Variants in NEIL3 observed in about 807,000 individuals in gnomAD.
NEIL3 encodes endonuclease 8-like 3.
In NEIL3, 48 loss-of-function variants were observed where a neutral mutation model predicts 57.5. That is an observed-to-expected ratio of 0.83 (90% confidence interval 0.66 to 1.06). NEIL3 has a LOEUF of 1.06. Ranked by LOEUF, NEIL3 falls within the 50% of genes least tolerant of loss-of-function variation. The pLI is 0.00. For missense variants in NEIL3, 717 were observed against 739.1 expected (o/e 0.97, Z 0.35); for synonymous variants, 261 against 253.2 (o/e 1.03, Z -0.29).
chr4:177,365,436 A>G (rs1735680656), downstream of NEIL3, among the ~76,000 whole-genome samples: 1 of 152,248 alleles, frequency 6.6e-6, no homozygotes, highest in African/African-American at 2.4e-5. Context: ...ATACAATACA[A>G]TAATCATACA....
At chr4:177,313,992 A>C (rs943719611) in intron 1 of NEIL3, among the ~76,000 whole-genome samples, 34 of 152,198 alleles carry the variant, frequency 2.2e-4, no homozygotes, top group African/African-American at 8.0e-4. Context: ...TTCCTTCTTC[A>C]AAGTGGGGGA....
At chr4:177,325,679 G>A (rs1417987404) in intron 2 of NEIL3, among the ~76,000 whole-genome samples, 1 of 152,100 alleles carries the variant, frequency 6.6e-6, no homozygotes, top group Non-Finnish European at 1.5e-5. Flanking sequence ...CACCAGCAGA[G>A]TATGAGAATT....
chr4:177,367,131 A>AC (rs1579013932), downstream of NEIL3, among the ~76,000 whole-genome samples: 2 of 152,150 alleles, frequency 1.3e-5, no homozygotes, highest in East Asian at 3.9e-4. Flanking sequence ...CCCAAATCTG[A>AC]CGAATCTCAG....
In NEIL3 at chr4:177,358,790, G is replaced by A. The variant is rs1229994784; in HGVS notation, c.1461-1713G>A. On this transcript the variant is annotated intron_variant, in intron 8 of 9. Coordinates refer to ENST00000264596, the MANE Select transcript of NEIL3 (RefSeq NM_018248.3). ...CTCCCTGGATATGTGGAACCCTGGA[G>A]CTCTCTAGGTTGAAACAAGTAGGTT... Among the ~76,000 whole-genome samples the A allele has an allele frequency of 2.0e-5, 3 of 152,150 alleles. No homozygotes were observed. In the East Asian group the frequency reaches 5.8e-4, roughly 29 times the overall value.
chr4:177,350,414 A>G (rs1419363537), intron 6 of NEIL3, among the ~76,000 whole-genome samples: 1 of 152,214 alleles, frequency 6.6e-6, no homozygotes, highest in Non-Finnish European at 1.5e-5. Context: ...ATACATGGTC[A>G]ATGAAGGACT....
chr4:177,328,775 A>G (rs928819455), intron 2 of NEIL3, among the ~76,000 whole-genome samples: 1 of 152,202 alleles, frequency 6.6e-6, no homozygotes, highest in African/African-American at 2.4e-5. Context: ...AATATAAAAG[A>G]TGTTTTTCTG....
Position 177,322,499 on chromosome 4 carries a change from G to C in NEIL3, c.197G>C (p.Ser66Thr). The part of the protein sequence containing the change: ...LNNDSSQNVL[S>T]LFNGYVYSGV... ...AATGATTCCAGCCAGAATGTCTTGAGCCTGTTTAATGGATATGTTTACAGT... is the reference window on the plus strand; with the variant it reads ...AATGATTCCAGCCAGAATGTCTTGACCCTGTTTAATGGATATGTTTACAGT... The change falls in exon 2 of 10, where the codon AGC becomes ACC. Residue 66 changes from serine to threonine, a missense_variant. Coordinates refer to ENST00000264596, the MANE Select transcript of NEIL3 (RefSeq NM_018248.3). 1 of 1,613,962 alleles carries C rather than the reference G, an allele frequency of 6.2e-7. No individual in the cohort carries two copies. The highest frequency in any genetic ancestry group is 8.5e-7 in the Non-Finnish European group (1 of 1,179,896).
intron 6 of NEIL3, among the ~76,000 whole-genome samples, chr4:177,344,346 CTTT>C (rs1365323930): frequency 6.6e-6 from 1 of 151,928 alleles, no homozygotes; most frequent in African/African-American, 2.4e-5. Context: ...GTATTTGATC[CTTT>C]TTTATGTTGA....
At chr4:177,344,463 A>C (rs1735168179) in intron 6 of NEIL3, among the ~76,000 whole-genome samples, 1 of 152,146 alleles carries the variant, frequency 6.6e-6, no homozygotes, top group Non-Finnish European at 1.5e-5. Flanking sequence ...CTGTCTCTGA[A>C]AGCTTACTGA....
Position 177,345,472 on chromosome 4 carries a change from T to TA in NEIL3, c.869+3830_869+3831insA, listed in dbSNP as rs1369650028. ...CTGTCTGCAAACCAACTCTTTTTTT[T>TA]TTTTATTATTATTATACTTTAAGTT... On this transcript the variant is annotated intron_variant, in intron 6 of 9. Transcript: ENST00000264596. Among the ~76,000 whole-genome samples, 76 of 146,088 alleles carry TA rather than the reference T, an allele frequency of 5.2e-4. 1 individual carries two copies. The highest frequency in any genetic ancestry group is 1.5e-3 in the African/African-American group (60 of 38,774).
intron 2 of NEIL3, among the ~76,000 whole-genome samples, chr4:177,326,974 G>C (rs1246582362): frequency 6.6e-6 from 1 of 152,078 alleles, no homozygotes; most frequent in Admixed American, 6.5e-5. Flanking sequence ...CGAGGTGTGG[G>C]GGGGCATGTA....
At chr4:177,342,132 G>T (rs79895217) in intron 6 of NEIL3, among the ~76,000 whole-genome samples, 2 of 152,142 alleles carry the variant, frequency 1.3e-5, no homozygotes, top group African/African-American at 2.4e-5. Flanking sequence ...AGAAATAACC[G>T]CAGGATAGGT....
At chr4:177,339,110 A>AT (rs1261947653) in intron 4 of NEIL3, among the ~76,000 whole-genome samples, 1 of 152,174 alleles carries the variant, frequency 6.6e-6, no homozygotes, top group Non-Finnish European at 1.5e-5. Context: ...CAACACAGGA[A>AT]TTGGGGTGCT....
In NEIL3 at chr4:177,322,630, G is replaced by A. The variant is rs150709956; in HGVS notation, c.278+50G>A. On this transcript the variant is annotated intron_variant, in intron 2 of 9. Coordinates refer to ENST00000264596, the MANE Select transcript of NEIL3 (RefSeq NM_018248.3). ...CTTATCTCTCTATATTTAAAGATGC[G>A]TAGAAGGCTAGATGGAGTTTGCCGG... 462 of 1,609,430 alleles carry A rather than the reference G, an allele frequency of 2.9e-4. 2 individuals carry two copies. The African/African-American group carries it at 4.1e-3, about 14-fold the overall frequency.
chr4:177,324,006 A>C (rs995897044), intron 2 of NEIL3, among the ~76,000 whole-genome samples: 12 of 152,202 alleles, frequency 7.9e-5, no homozygotes, highest in African/African-American at 2.7e-4. Context: ...AGCCATAACA[A>C]CTATTGGATG....
intron 2 of NEIL3, among the ~76,000 whole-genome samples, chr4:177,332,377 G>A (rs896194494): frequency 3.9e-5 from 6 of 152,142 alleles, no homozygotes; most frequent in East Asian, 1.9e-4. Context: ...CTGGGTGGCC[G>A]AAGGGTTTCC....
intron 5 of NEIL3, 120 bp downstream of exon 5, chr4:177,339,977 T>G (rs1735060006): frequency 3.0e-6 from 2 of 658,668 alleles, no homozygotes; most frequent in Non-Finnish European, 2.7e-6. Flanking sequence ...GGAGGTACAT[T>G]AAGGGAGAGT....
At chr4:177,336,710 T>C (rs192652448) in intron 4 of NEIL3, among the ~76,000 whole-genome samples, 11 of 152,330 alleles carry the variant, frequency 7.2e-5, no homozygotes, top group African/African-American at 2.6e-4. Context: ...TATCCCAACA[T>C]CTAGAACGTG....
chr4:177,337,369 T>C (rs946626378), intron 4 of NEIL3, among the ~76,000 whole-genome samples: 2 of 152,226 alleles, frequency 1.3e-5, no homozygotes, highest in Non-Finnish European at 2.9e-5. Flanking sequence ...GTTATTTTTT[T>C]ACTTTGTGTA....
Sources: gnomAD v4.1 joint callset for allele counts (sites outside exome capture counted in the v4.1 genomes callset) on GRCh38, gnomAD v4.1.1 for gene constraint, MANE v1.5 for transcripts, NCBI Gene and HGNC (gene_info 2026-07-23, HGNC 2026-07-21) for gene names.